ATG4B: variants seen among roughly 807,000 people sequenced by gnomAD.
ATG4B encodes the protein autophagy related 4B cysteine peptidase.
In ATG4B, 29 loss-of-function variants were observed where a neutral mutation model predicts 56.6. That is an observed-to-expected ratio of 0.51 (90% CI 0.38 to 0.70). The LOEUF is 0.70. Among genes scored for constraint, ATG4B ranks in the 30% least tolerant of loss-of-function variants. The pLI is 0.00. For missense variants in ATG4B, 461 were observed against 515.5 expected, an observed-to-expected ratio of 0.89 and a Z score of 1.02; for synonymous variants, 224 against 206.1, an observed-to-expected ratio of 1.09 and a Z score of -0.74.
Position 241,673,027 on chromosome 2 carries a change from C to T in ATG4B, c.*763C>T, listed in dbSNP as rs1423289572. The T allele has an allele frequency of 1.8e-5, 2 of 113,330 alleles. No individual in the cohort carries two copies. Among genetic ancestry groups the T allele is most frequent in the Non-Finnish European group, 3.4e-5 (2 of 59,368 alleles). The allele number at this position is 113,330 out of a possible 1,614,324, so 7.0% of individuals were successfully genotyped here. ...GCTGTGGCATTCTGTGGCAGCTTCC[C>T]CAGGTGTGGTGACGGGGGGGGGGCG... is the stretch of plus-strand genomic sequence containing the variant. On this transcript the variant is annotated 3_prime_UTR_variant, in exon 13 of 13. Coordinates refer to ENST00000404914, the MANE Select transcript of ATG4B (RefSeq NM_013325.5).
At chr2:241,640,284 A>C (rs770033063) in intron 1 of ATG4B, among the ~76,000 whole-genome samples, 3 of 152,200 alleles carry the variant, frequency 2.0e-5, no homozygotes, top group Non-Finnish European at 2.9e-5. Context: ...TTTGCATTTA[A>C]AGGTCTCTGT....
chr2:241,640,917 CAG>C (rs1217530103), intron 1 of ATG4B, among the ~76,000 whole-genome samples: 2 of 152,136 alleles, frequency 1.3e-5, no homozygotes, highest in Non-Finnish European at 2.9e-5. Context: ...AGTGAGGACT[CAG>C]TGTTTATTCT....
At chr2:241,665,091 G>A (rs1484217307) in intron 7 of ATG4B, among the ~76,000 whole-genome samples, 1 of 152,230 alleles carries the variant, frequency 6.6e-6, no homozygotes, top group East Asian at 1.9e-4. Flanking sequence ...CTGCACTGCA[G>A]CCTGGGTGAC....
At chr2:241,639,282 G>GA (rs2067808112) in intron 1 of ATG4B, among the ~76,000 whole-genome samples, 1 of 152,242 alleles carries the variant, frequency 6.6e-6, no homozygotes, top group South Asian at 2.1e-4. Flanking sequence ...CAGACAAGGG[G>GA]AAGGTAGTGG....
chr2:241,640,110 C>T (rs1431932730), intron 1 of ATG4B, among the ~76,000 whole-genome samples: 2 of 152,112 alleles, frequency 1.3e-5, no homozygotes, highest in Non-Finnish European at 2.9e-5. Flanking sequence ...GATCATATGA[C>T]CTAAAATGTG....
rs1366816959 is a variant in ATG4B at position 241,648,188 on chromosome 2, C to T, written c.11-2822C>T. 2.6e-5 allele frequency among the ~76,000 whole-genome samples: 4 copies of T among 152,132 alleles called. No homozygotes were observed. The East Asian group carries it at 7.7e-4, about 29-fold the overall frequency. On this transcript the variant is annotated intron_variant, in intron 1 of 12. Transcript: ENST00000404914. ...TGTAATCATGTGCAGAAACAAGTAA[C>T]ATATATATAAAAAGGCAGGAGAGAA... is the stretch of plus-strand genomic sequence containing the variant.
intron 7 of ATG4B, among the ~76,000 whole-genome samples, chr2:241,660,592 A>G (rs1345158832): frequency 6.6e-6 from 1 of 152,252 alleles, no homozygotes; most frequent in Non-Finnish European, 1.5e-5. Context: ...TTGGAAACAC[A>G]GGAAGAGTAC....
At position 241,662,590 on chromosome 2, in the gene ATG4B, G is replaced by A. The variant is rs1285610748; in HGVS notation, c.538+3403G>A. 2.0e-5 allele frequency among the ~76,000 whole-genome samples: 3 copies of A among 152,326 alleles called. No homozygotes were observed. In the East Asian group the frequency reaches 5.8e-4, roughly 29 times the overall value. ...GGCTCTGGAGGCACAGAAGCAACCG[G>A]CCCAGCTACGCATCAGCCCTTGAGC... is the stretch of plus-strand genomic sequence containing the variant. On this transcript the variant is annotated intron_variant, in intron 7 of 12. Coordinates refer to ENST00000404914, the MANE Select transcript of ATG4B (RefSeq NM_013325.5).
Position 241,672,518 on chromosome 2 carries a change from G to C in ATG4B, c.*254G>C. 1.8e-6 allele frequency: 1 copy of C among 550,964 alleles called. No individual in the cohort carries two copies. The highest frequency in any genetic ancestry group is 3.3e-6 in the Non-Finnish European group (1 of 307,540). The allele number at this position is 550,964 out of a possible 1,614,324, so 34.1% of individuals were successfully genotyped here. ...GAGCCGTCTGTTAGGAGCTTCCAGAGTGTTCTCTCGACACTGCCAGCCCCG... is the reference window on the plus strand; with the variant it reads ...GAGCCGTCTGTTAGGAGCTTCCAGACTGTTCTCTCGACACTGCCAGCCCCG... On this transcript the variant is annotated 3_prime_UTR_variant, in exon 13 of 13. Transcript: ENST00000404914.
In ATG4B at chr2:241,670,311, G is replaced by A. The variant is rs372364419; in HGVS notation, c.958-415G>A. 6.6e-5 allele frequency among the ~76,000 whole-genome samples: 10 copies of A among 152,080 alleles called. No homozygotes were observed. The East Asian group carries it at 7.7e-4, about 12-fold the overall frequency. On this transcript the variant is annotated intron_variant, in intron 10 of 12. Transcript: ENST00000404914. ...GTCACGGTGTCCTTGGGCAGTTCTC[G>A]GTGGCCTTTGCCGCCAAGCTTCCAG...
Position 241,669,850 on chromosome 2 carries a change from G to A in ATG4B, c.958-876G>A, listed in dbSNP as rs6437278. Among the ~76,000 whole-genome samples, 8 of 152,114 alleles carry A rather than the reference G, an allele frequency of 5.3e-5. No homozygotes were observed. In the East Asian group the frequency reaches 1.6e-3, roughly 30 times the overall value. Reference sequence around the variant, plus strand: ...AGAACCTAGTCACGAATTCCTCGTCGAACTAGAATTAGGTATGTTTGTTAC... The same window carrying A: ...AGAACCTAGTCACGAATTCCTCGTCAAACTAGAATTAGGTATGTTTGTTAC... On this transcript the variant is annotated intron_variant, in intron 10 of 12. Transcript: ENST00000404914.
In ATG4B at chr2:241,645,424, A is replaced by G. The variant is rs111308142; in HGVS notation, c.11-5586A>G. Among the ~76,000 whole-genome samples the G allele has an allele frequency of 1.4e-3, 213 of 151,988 alleles. 1 individual carries two copies. The highest frequency in any genetic ancestry group is 4.6e-3 in the African/African-American group (192 of 41,454). Reference sequence around the variant, plus strand: ...TTGGTTGGGTCTCTGTTGACCTTGTACTCTGTGCTGCACCTCTGCTTACAG... The same window carrying G: ...TTGGTTGGGTCTCTGTTGACCTTGTGCTCTGTGCTGCACCTCTGCTTACAG... On this transcript the variant is annotated intron_variant, in intron 1 of 12. Transcript: ENST00000404914.
At chr2:241,670,259 C>G (rs2068920781) in intron 10 of ATG4B, among the ~76,000 whole-genome samples, 1 of 151,924 alleles carries the variant, frequency 6.6e-6, no homozygotes, top group South Asian at 2.1e-4. Context: ...CCCCTGTCTC[C>G]TGGCTCCTCA....
intron 11 of ATG4B, 60 bp from the exon 12 acceptor site, chr2:241,671,252 C>G: frequency 6.7e-7 from 1 of 1,495,110 alleles, no homozygotes; most frequent in Non-Finnish European, 9.2e-7. Flanking sequence ...TGGCCCCTTT[C>G]TCTTGGCCGC....
In ATG4B at chr2:241,654,930, G is replaced by A. The variant is rs551979175; in HGVS notation, c.385+283G>A. 186 of 569,958 alleles carry A rather than the reference G, an allele frequency of 3.3e-4. No homozygotes were observed. In the Middle Eastern group the frequency reaches 4.7e-3, roughly 14 times the overall value. 35.3% of individuals were successfully genotyped at this position (569,958 alleles called of 1,614,324 possible). ...GGCACAGTCTGGGGAAATTGGCCTC[G>A]CCCCATCAGTGAATCTGAATGCTCA... On this transcript the variant is annotated intron_variant, in intron 5 of 12. Transcript: ENST00000404914.
In ATG4B at chr2:241,672,528, G is replaced by A. The variant is rs576361399; in HGVS notation, c.*264G>A. 7.5e-5 allele frequency: 38 copies of A among 504,658 alleles called. No homozygotes were observed. The highest frequency in any genetic ancestry group is 1.1e-3 in the Middle Eastern group (2 of 1,844). 31.3% of individuals were successfully genotyped at this position (504,658 alleles called of 1,614,324 possible). ...TTAGGAGCTTCCAGAGTGTTCTCTC[G>A]ACACTGCCAGCCCCGTGTTAGCACC... On this transcript the variant is annotated 3_prime_UTR_variant, in exon 13 of 13. Coordinates refer to ENST00000404914, the MANE Select transcript of ATG4B (RefSeq NM_013325.5).
At position 241,673,457 on chromosome 2, in the gene ATG4B, C is replaced by CGCTGCT. The variant is rs77925329; in HGVS notation, c.*1206_*1211dup. ...CAGCTACTGCGGCGTTGGCAGGACT[C>CGCTGCT]GCTGCTGCTGCTGCTGCTTGTGTAG... On this transcript the variant is annotated 3_prime_UTR_variant, in exon 13 of 13. Coordinates refer to ENST00000404914, the MANE Select transcript of ATG4B (RefSeq NM_013325.5). The CGCTGCT allele has an allele frequency of 2.9e-4, 110 of 385,510 alleles. 2 individuals carry two copies. The highest frequency in any genetic ancestry group is 1.4e-3 in the South Asian group (76 of 53,714). The allele number at this position is 385,510 out of a possible 1,614,324, so 23.9% of individuals were successfully genotyped here. A position where few individuals can be genotyped will look rare whatever the true frequency, so the allele number is the denominator to read the frequency against.
chr2:241,652,463 G>A (rs1407824226), intron 3 of ATG4B, among the ~76,000 whole-genome samples: 1 of 152,232 alleles, frequency 6.6e-6, no homozygotes, highest in African/African-American at 2.4e-5. Flanking sequence ...CAGCCCTGTC[G>A]CAGTTCTGAA....
rs975809096 is a variant in ATG4B, at chr2:241,655,153, G to A, written c.386-118G>A. On this transcript the variant is annotated intron_variant, in intron 5 of 12. Transcript: ENST00000404914. ...ATCTTGTTGGGGCATCCTTCCGTCT[G>A]GAGGCTGGGTCGGGTGCTGTCCAGG... 4 of 965,812 alleles carry A rather than the reference G, an allele frequency of 4.1e-6. No individual in the cohort carries two copies. In the African/African-American group the frequency reaches 4.9e-5, roughly 12 times the overall value. The allele number at this position is 965,812 out of a possible 1,614,324, so 59.8% of individuals were successfully genotyped here.
Sources: allele counts gnomAD v4.1 joint callset (sites outside exome capture counted in the v4.1 genomes callset), GRCh38; gene constraint gnomAD v4.1.1; transcripts MANE v1.5; gene names NCBI Gene and HGNC (gene_info 2026-07-23, HGNC 2026-07-21).